Variants in KIF6 observed in about 807,000 individuals in gnomAD.
The protein encoded by KIF6 is kinesin-like protein KIF6.
A neutral mutation model predicts 112.7 loss-of-function variants in KIF6; 106 were observed. The observed-to-expected ratio is 0.94, with a 90% CI of 0.80 to 1.11. The LOEUF is 1.11. Ranked by LOEUF, KIF6 falls within the 50% of genes least tolerant of loss-of-function variation. The pLI is 0.00. For synonymous variants in KIF6, 339 were observed against 339.9 expected, an observed-to-expected ratio of 1.00 and a Z score of 0.03; for missense variants, 929 against 964.0, an observed-to-expected ratio of 0.96 and a Z score of 0.48.
chr6:39,530,840 C>G (rs1022830198), intron 13 of KIF6, among the ~76,000 whole-genome samples: 3 of 152,148 alleles, frequency 2.0e-5, no homozygotes, highest in Admixed American at 1.3e-4. Context: ...TTCAAAACAA[C>G]ATACTTATTA....
intron 13 of KIF6, among the ~76,000 whole-genome samples, chr6:39,433,365 G>A (rs759393131): frequency 3.3e-5 from 5 of 152,204 alleles, no homozygotes; most frequent in Non-Finnish European, 7.3e-5. Flanking sequence ...GGTCTTGAAG[G>A]TCCTACTAAG....
intron 10 of KIF6, among the ~76,000 whole-genome samples, chr6:39,555,953 C>CAAAAAAAAAA (rs35420944): frequency 1.3e-5 from 1 of 77,692 alleles, no homozygotes; most frequent in Non-Finnish European, 2.5e-5. Context: ...GACGCTGTCT[C>CAAAAAAAAAA]AAAAAAAAAA....
intron 15 of KIF6, among the ~76,000 whole-genome samples, chr6:39,399,989 G>A (rs1453583279): frequency 1.3e-5 from 2 of 152,214 alleles, no homozygotes; most frequent in Non-Finnish European, 2.9e-5. Flanking sequence ...GAAGACAGAG[G>A]GGAAGGGCCT....
chr6:39,569,961 G>T (rs568224978), intron 10 of KIF6, among the ~76,000 whole-genome samples: 1 of 152,130 alleles, frequency 6.6e-6, no homozygotes, highest in East Asian at 1.9e-4. Flanking sequence ...TTCAAAGTGC[G>T]ATTTATTTGA....
rs749870621 is a variant in KIF6, at chr6:39,540,130, G to A, written c.1518C>T (p.Ser506=). The A allele has an allele frequency of 6.2e-7, 1 of 1,614,076 alleles. No homozygotes were observed. The highest frequency in any genetic ancestry group is 1.7e-5 in the Admixed American group (1 of 60,006). ...TTCCTAGGCGGAAGGGTGGGCTCTGGGACTGTCTGAATTCACGTCTATCCA... is the reference window on the plus strand; with the variant it reads ...TTCCTAGGCGGAAGGGTGGGCTCTGAGACTGTCTGAATTCACGTCTATCCA... ...AGMDRREFRQ[S]QSPPFRLGNP... The change falls in exon 13 of 23, where the codon TCC becomes TCT. Residue 506 remains serine, a synonymous_variant. Coordinates refer to ENST00000287152, the MANE Select transcript of KIF6 (RefSeq NM_145027.6).
chr6:39,528,763 T>A (rs139883101), intron 13 of KIF6, among the ~76,000 whole-genome samples: 5 of 152,236 alleles, frequency 3.3e-5, no homozygotes, highest in Admixed American at 1.3e-4. Context: ...GTTCATAGAC[T>A]GGAAGAATTA....
chr6:39,675,061 T>C (rs1787052151), intron 3 of KIF6, among the ~76,000 whole-genome samples: 1 of 152,026 alleles, frequency 6.6e-6, no homozygotes, highest in Non-Finnish European at 1.5e-5. Context: ...GGATAAAATA[T>C]AATACATACT....
At position 39,584,417 on chromosome 6, in the gene KIF6, TAAAAAAAAAAAAAAAAAAAAAA is replaced by T. The variant is rs61215070; in HGVS notation, c.1077+459_1077+480del. ...TCCAGCCTGAGCAAGACTCTGTCTC[TAAAAAAAAAAAAAAAAAAAAAA>T]AAAAAAAAAAAAAAAAAAAAAGACT... is the stretch of plus-strand genomic sequence containing the variant. On this transcript the variant is annotated intron_variant, in intron 9 of 22. Coordinates refer to ENST00000287152, the MANE Select transcript of KIF6 (RefSeq NM_145027.6). 0.012 allele frequency among the ~76,000 whole-genome samples: 564 copies of T among 46,062 alleles called. 57 individuals are homozygous for T. In the Admixed American group the frequency reaches 0.14, roughly 11 times the overall value. The allele number at this position is 46,062 out of a possible 152,430, so 30.2% of individuals were successfully genotyped here.
At chr6:39,652,046 T>C (rs1785499190) in intron 3 of KIF6, among the ~76,000 whole-genome samples, 1 of 152,118 alleles carries the variant, frequency 6.6e-6, no homozygotes, top group Non-Finnish European at 1.5e-5. Context: ...ATGAAATCAG[T>C]CTTGGCTGGG....
In KIF6 at chr6:39,616,392, A is replaced by C. The variant is rs150734552; in HGVS notation, c.510-3074T>G. 7.2e-5 allele frequency among the ~76,000 whole-genome samples: 11 copies of C among 152,232 alleles called. No individual in the cohort carries two copies. In the East Asian group the frequency reaches 2.1e-3, roughly 29 times the overall value. On this transcript the variant is annotated intron_variant, in intron 5 of 22. Coordinates refer to ENST00000287152, the MANE Select transcript of KIF6 (RefSeq NM_145027.6). ...TAACACATCCCTGTGCGTTAATATC[A>C]TGTGTTCCTCACTTTTTTCTGATTT...
chr6:39,721,956 C>G (rs1203896635), intron 1 of KIF6, among the ~76,000 whole-genome samples: 1 of 151,978 alleles, frequency 6.6e-6, no homozygotes, highest in Non-Finnish European at 1.5e-5. Flanking sequence ...CTACCTAAAT[C>G]TCCAGAAAGT....
chr6:39,453,874 C>T (rs927254708), intron 13 of KIF6, among the ~76,000 whole-genome samples: 8 of 152,174 alleles, frequency 5.3e-5, no homozygotes, highest in Non-Finnish European at 1.2e-4. Context: ...TAGTTCTCTC[C>T]ATATTCCCCT....
chr6:39,540,006 T>C lies in KIF6; in HGVS notation c.1642A>G (p.Ile548Val). Residue 548 changes from isoleucine (I) to valine (V), a missense_variant, in exon 13 of 23, where the codon ATA becomes GTA. Physicochemically the swap from Ile to Val is conservative, Grantham distance 29. This residue lies in a region of KIF6 where 688 missense variants were observed against 662.7 expected (regional missense o/e 1.04). Coordinates refer to ENST00000287152, the MANE Select transcript of KIF6 (RefSeq NM_145027.6). ...ACTGGAAATTTAGTCAACTGACCTA[T>C]TTTCTTGTGGAGCAAACTGGATCTT... ...GKRSSLLHKKIGMREEMSLGC... is the reference protein window; with the variant it reads ...GKRSSLLHKKVGMREEMSLGC... The C allele has an allele frequency of 2.5e-6, 4 of 1,597,442 alleles. No individual in the cohort carries two copies. Among genetic ancestry groups the C allele is most frequent in the Non-Finnish European group, 3.4e-6 (4 of 1,173,574 alleles).
chr6:39,622,167 CA>C (rs35199120), intron 5 of KIF6, among the ~76,000 whole-genome samples: 306 of 121,612 alleles, frequency 2.5e-3, no homozygotes, highest in Non-Finnish European at 2.6e-3. Context: ...AAATCCAGCT[CA>C]AAAAAAAAAA....
chr6:39,615,850 G>T (rs1433598639), intron 5 of KIF6, among the ~76,000 whole-genome samples: 1 of 152,144 alleles, frequency 6.6e-6, no homozygotes, highest in Non-Finnish European at 1.5e-5. Context: ...TCCAGGGCAA[G>T]TTTCTTTTCT....
intron 3 of KIF6, among the ~76,000 whole-genome samples, chr6:39,661,848 T>C (rs749945340): frequency 5.3e-5 from 8 of 152,170 alleles, no homozygotes; most frequent in Non-Finnish European, 1.2e-4. Flanking sequence ...CCAGGAGCCA[T>C]CTTTGAAAAA....
chr6:39,684,692 A>C (rs1787751987), intron 3 of KIF6, among the ~76,000 whole-genome samples: 3 of 151,634 alleles, frequency 2.0e-5, no homozygotes, highest in Admixed American at 2.0e-4. Context: ...CTGGAGGCTG[A>C]GGCAGGAGAA....
At chr6:39,387,492 T>C (rs540759748) in intron 15 of KIF6, among the ~76,000 whole-genome samples, 1 of 152,238 alleles carries the variant, frequency 6.6e-6, no homozygotes, top group East Asian at 1.9e-4. Context: ...GAATTATGCA[T>C]AGAGAGCGTG....
intron 13 of KIF6, among the ~76,000 whole-genome samples, chr6:39,484,820 G>A (rs1775022409): frequency 6.6e-6 from 1 of 152,154 alleles, no homozygotes; most frequent in Non-Finnish European, 1.5e-5. Context: ...GGGCCAGGCT[G>A]TGGTGCAGTG....
Sources: allele counts gnomAD v4.1 joint callset (sites outside exome capture counted in the v4.1 genomes callset), GRCh38; gene constraint gnomAD v4.1.1; regional missense constraint gnomAD v4.1.1; transcripts MANE v1.5; gene names NCBI Gene and HGNC (gene_info 2026-07-23, HGNC 2026-07-21).